The following SDK1 variants were observed in gnomAD, a reference collection of about 807,000 sequenced individuals.
SDK1 encodes the protein protein sidekick-1.
A neutral mutation model predicts 245.5 loss-of-function variants in SDK1; 157 were observed. That is an observed-to-expected ratio of 0.64 (90% CI 0.56 to 0.73). The LOEUF is 0.73. SDK1 is among the 30% of genes least tolerant of loss of function. The pLI is 0.00. For missense variants in SDK1, 3,583 were observed against 3,002.3 expected (o/e 1.19, Z -4.52); for synonymous variants, 1,647 against 1,278.5 (o/e 1.29, Z -6.15).
chr7:3,793,577 C>A (rs1018166191), intron 4 of SDK1, among the ~76,000 whole-genome samples: 5 of 152,104 alleles, frequency 3.3e-5, no homozygotes, highest in Admixed American at 6.6e-5. Flanking sequence ...TTGTATCCTT[C>A]TTGTGTCGAT....
At chr7:3,617,397 C>T (rs1781803985) in intron 1 of SDK1, among the ~76,000 whole-genome samples, 1 of 152,120 alleles carries the variant, frequency 6.6e-6, no homozygotes, top group South Asian at 2.1e-4. Flanking sequence ...CTTGTTAGAG[C>T]ATATTGTGCA....
chr7:3,484,643 C>T (rs1781620430), intron 1 of SDK1, among the ~76,000 whole-genome samples: 1 of 152,156 alleles, frequency 6.6e-6, no homozygotes, highest in South Asian at 2.1e-4. Context: ...CCATAACCAA[C>T]CTCGCCTCAC....
intron 1 of SDK1, among the ~76,000 whole-genome samples, chr7:3,315,871 G>A (rs1779651822): frequency 6.6e-6 from 1 of 151,942 alleles, no homozygotes; most frequent in African/African-American, 2.4e-5. Flanking sequence ...TTATTGTTTT[G>A]GGCCTTATTT....
At position 3,757,043 on chromosome 7, in the gene SDK1, C is replaced by G. The variant is rs181501050; in HGVS notation, c.714-64407C>G. Among the ~76,000 whole-genome samples, 3 of 152,184 alleles carry G rather than the reference C, an allele frequency of 2.0e-5. No individual in the cohort carries two copies. In the East Asian group the frequency reaches 5.8e-4, roughly 29 times the overall value. On this transcript the variant is annotated intron_variant, in intron 4 of 44. Coordinates refer to ENST00000404826, the MANE Select transcript of SDK1 (RefSeq NM_152744.4). ...GCTGAATATGTGGTGTTTTTCCATA[C>G]TGATTCTCCAACTCTCTGACACCAA...
Position 3,664,224 on chromosome 7 carries a change from A to C in SDK1, c.713+22119A>C, listed in dbSNP as rs1783454996. 9.9e-5 allele frequency among the ~76,000 whole-genome samples: 15 copies of C among 152,118 alleles called. 1 individual carries two copies. The highest frequency in any genetic ancestry group is 9.8e-4 in the Admixed American group (15 of 15,284). On this transcript the variant is annotated intron_variant, in intron 4 of 44. Coordinates refer to ENST00000404826, the MANE Select transcript of SDK1 (RefSeq NM_152744.4). ...GAGTGTAAAGCATGAGGCAAGTCAG[A>C]GGTGTGCGGAGGAGCTCCGTCACTG...
chr7:4,231,611 G>C (rs1386648807), intron 40 of SDK1, among the ~76,000 whole-genome samples: 1 of 144,720 alleles, frequency 6.9e-6, no homozygotes, highest in Admixed American at 6.8e-5. Flanking sequence ...GAAAGAGCAA[G>C]AGAGAAAGCA....
intron 12 of SDK1, among the ~76,000 whole-genome samples, chr7:3,973,242 A>T (rs368041665): frequency 6.6e-6 from 1 of 152,190 alleles, no homozygotes; most frequent in Non-Finnish European, 1.5e-5. Flanking sequence ...CTCTTGTGGA[A>T]TCAGCCCTGT....
intron 30 of SDK1, among the ~76,000 whole-genome samples, chr7:4,157,458 AAGGGAGAG>A (rs1462009162): frequency 3.3e-4 from 7 of 21,508 alleles, no homozygotes; most frequent in African/African-American, 1.9e-3. Flanking sequence ...AGGGAGGTGG[AAGGGAGAG>A]AAGGAAGGAG....
chr7:3,801,154 C>G (rs1476518034), intron 4 of SDK1, among the ~76,000 whole-genome samples: 1 of 152,186 alleles, frequency 6.6e-6, no homozygotes, highest in Non-Finnish European at 1.5e-5. Context: ...TAAGACACAT[C>G]ACTATTTCAT....
intron 1 of SDK1, among the ~76,000 whole-genome samples, chr7:3,379,045 G>A (rs1396633779): frequency 6.6e-6 from 1 of 152,120 alleles, no homozygotes; most frequent in Non-Finnish European, 1.5e-5. Context: ...CCTGGCCTGT[G>A]CTGCACTGAT....
At chr7:3,473,022 C>G (rs1285928901) in intron 1 of SDK1, among the ~76,000 whole-genome samples, 1 of 152,172 alleles carries the variant, frequency 6.6e-6, no homozygotes, top group Non-Finnish European at 1.5e-5. Flanking sequence ...CCTTTTGCTG[C>G]TCTTCTTCCG....
At chr7:3,351,680 A>G (rs975570311) in intron 1 of SDK1, among the ~76,000 whole-genome samples, 1 of 152,224 alleles carries the variant, frequency 6.6e-6, no homozygotes, top group African/African-American at 2.4e-5. Flanking sequence ...AAGGCATTAG[A>G]GATGAAGAGG....
chr7:4,143,725 G>C (rs1420038717), intron 28 of SDK1, among the ~76,000 whole-genome samples: 1 of 152,220 alleles, frequency 6.6e-6, no homozygotes, highest in African/African-American at 2.4e-5. Flanking sequence ...TTTGCTCACA[G>C]ATCGGCATGG....
chr7:3,873,201 AT>A (rs1352980062), intron 5 of SDK1, among the ~76,000 whole-genome samples: 2 of 151,982 alleles, frequency 1.3e-5, no homozygotes, highest in Non-Finnish European at 2.9e-5. Context: ...TTTAGAGGAT[AT>A]TTTTACTGGG....
At chr7:4,121,910 A>G (rs1408471255) in intron 25 of SDK1, among the ~76,000 whole-genome samples, 5 of 152,162 alleles carry the variant, frequency 3.3e-5, no homozygotes, top group Non-Finnish European at 7.3e-5. Context: ...TGGGAAAAAA[A>G]GTTTTGGTTC....
chr7:4,102,851 T>G (rs1036937252), intron 22 of SDK1, among the ~76,000 whole-genome samples: 1 of 151,150 alleles, frequency 6.6e-6, no homozygotes, highest in Admixed American at 6.6e-5. Context: ...GCTCCCCTAA[T>G]GGGCCTGAAG....
intron 12 of SDK1, among the ~76,000 whole-genome samples, 170 bp from the exon 13 acceptor site, chr7:3,974,199 A>AG (rs1782709793): frequency 6.9e-6 from 1 of 145,538 alleles, no homozygotes; most frequent in Admixed American, 6.9e-5. Context: ...AAAAAAAAAA[A>AG]AGAAAGAAAG....
intron 1 of SDK1, among the ~76,000 whole-genome samples, chr7:3,334,126 C>G (rs1174999131): frequency 6.6e-6 from 1 of 152,324 alleles, no homozygotes; most frequent in Non-Finnish European, 1.5e-5. Flanking sequence ...AAATCTAGAG[C>G]AGAACCCCAA....
At chr7:4,180,820 A>G (rs1018764939) in intron 35 of SDK1, among the ~76,000 whole-genome samples, 1 of 151,984 alleles carries the variant, frequency 6.6e-6, no homozygotes, top group African/African-American at 2.4e-5. Context: ...ACCAGATCTC[A>G]TGAGAACTAA....
Sources: gnomAD v4.1 joint callset for allele counts (sites outside exome capture counted in the v4.1 genomes callset) on GRCh38, gnomAD v4.1.1 for gene constraint, MANE v1.5 for transcripts, NCBI Gene and HGNC (gene_info 2026-07-23, HGNC 2026-07-21) for gene names.